The following LPA variants were observed in gnomAD, a reference collection of about 807,000 sequenced individuals.
LPA encodes the protein lipoprotein(a).
LPA carries 199 observed loss-of-function variants against 197.9 expected under a neutral mutation model. The ratio of observed to expected loss-of-function variants is 1.01; its 90% CI spans 0.90 to 1.13. LPA has a LOEUF of 1.13. Among genes scored for constraint, LPA ranks in the 50% most tolerant of loss-of-function variants. The pLI is 0.00. For synonymous variants in LPA, 715 were observed against 639.5 expected (o/e 1.12, Z -1.78); for missense variants, 1,853 against 1,785.8 (o/e 1.04, Z -0.68).
chr6:160,591,249 C>T, intron 22 of LPA, 148 bp from the exon 23 acceptor site: 1 of 1,028,200 alleles, frequency 9.7e-7, no homozygotes, highest in Non-Finnish European at 1.4e-6. Context: ...AAATCGTCCT[C>T]AACTTCTAAA....
intron 30 of LPA, among the ~76,000 whole-genome samples, chr6:160,551,770 G>A (rs1051169859): frequency 6.6e-6 from 1 of 152,152 alleles, no homozygotes; most frequent in Non-Finnish European, 1.5e-5. Context: ...AAATGGTTCA[G>A]AATGATTTTG....
At chr6:160,606,432 A>G (rs752563280) in intron 17 of LPA, 45 bp downstream of exon 17, 1 of 1,605,712 alleles carries the variant, frequency 6.2e-7, no homozygotes, top group South Asian at 1.1e-5. Context: ...ATGGCTTTTC[A>G]TCCCAGCATC....
intron 18 of LPA, among the ~76,000 whole-genome samples, 166 bp downstream of exon 18, chr6:160,604,880 G>C (rs1474981012): frequency 6.6e-6 from 1 of 152,100 alleles, no homozygotes; most frequent in East Asian, 1.9e-4. Flanking sequence ...ATTAACATTT[G>C]TCTTCTCTTA....
At chr6:160,532,466 G>A in intron 38 of LPA, 65 bp downstream of exon 38, 1 of 1,305,020 alleles carries the variant, frequency 7.7e-7, no homozygotes, top group African/African-American at 1.5e-5. Context: ...CTTTGGGACT[G>A]ACGTCTAAGG....
intron 22 of LPA, 145 bp downstream of exon 22, chr6:160,593,813 G>T: frequency 1.0e-6 from 1 of 988,216 alleles, no homozygotes; most frequent in South Asian, 1.4e-5. Context: ...CAGACACTGT[G>T]CCTGAAGAAA....
intron 28 of LPA, among the ~76,000 whole-genome samples, chr6:160,559,831 T>A (rs1778331925): frequency 6.6e-6 from 1 of 152,204 alleles, no homozygotes. Context: ...GAGATACATG[T>A]GTAGAATGTG....
intron 28 of LPA, among the ~76,000 whole-genome samples, chr6:160,574,686 G>A (rs1358637990): frequency 2.6e-5 from 4 of 152,172 alleles, no homozygotes; most frequent in African/African-American, 7.2e-5. Context: ...TTCTCCAGTT[G>A]TGGGGTGTGT....
chr6:160,587,966 C>G (rs1778946657), intron 24 of LPA, among the ~76,000 whole-genome samples: 1 of 152,050 alleles, frequency 6.6e-6, no homozygotes, highest in Non-Finnish European at 1.5e-5. Flanking sequence ...TCATTTGGCT[C>G]TCCGGTTCTT....
chr6:160,609,122 T>G (rs1779424397), intron 16 of LPA, among the ~76,000 whole-genome samples: 1 of 152,164 alleles, frequency 6.6e-6, no homozygotes, highest in Non-Finnish European at 1.5e-5. Context: ...CTTAGTCATA[T>G]GTCAAATTTT....
chr6:160,540,464 G>A (rs1405027351), intron 35 of LPA, among the ~76,000 whole-genome samples: 1 of 152,234 alleles, frequency 6.6e-6, no homozygotes, highest in Non-Finnish European at 1.5e-5. Flanking sequence ...TGTGAAAGGG[G>A]TTTGGATCAT....
intron 24 of LPA, among the ~76,000 whole-genome samples, chr6:160,589,159 C>A (rs1034426983): frequency 2.0e-5 from 3 of 152,158 alleles, no homozygotes; most frequent in African/African-American, 7.2e-5. Flanking sequence ...TCACTTGTTA[C>A]CCAAGACAAA....
intron 28 of LPA, among the ~76,000 whole-genome samples, chr6:160,571,631 C>A (rs562748965): frequency 2.6e-5 from 4 of 152,346 alleles, no homozygotes; most frequent in African/African-American, 9.6e-5. Context: ...AGCTGCAGTG[C>A]ACCCTGCCCA....
At chr6:160,652,539 T>C (rs1324323109) in intron 1 of LPA, among the ~76,000 whole-genome samples, 1 of 152,072 alleles carries the variant, frequency 6.6e-6, no homozygotes, top group East Asian at 1.9e-4. Context: ...CTATAAGAAA[T>C]GCTAAAGGTT....
At chr6:160,535,004 G>A (rs1777864250) in intron 37 of LPA, among the ~76,000 whole-genome samples, 1 of 144,316 alleles carries the variant, frequency 6.9e-6, no homozygotes, top group African/African-American at 2.6e-5. Flanking sequence ...GGTGATAATG[G>A]TGATGGTAAT....
intron 24 of LPA, 142 bp from the exon 25 acceptor site, chr6:160,586,772 G>T: frequency 1.8e-6 from 2 of 1,115,782 alleles, no homozygotes; most frequent in Non-Finnish European, 2.6e-6. Flanking sequence ...CTCACAAATG[G>T]TCCTCAACTT....
intron 1 of LPA, among the ~76,000 whole-genome samples, chr6:160,654,790 T>C (rs1466348764): frequency 6.6e-6 from 1 of 152,194 alleles, no homozygotes; most frequent in African/African-American, 2.4e-5. Context: ...AAAGATATTT[T>C]CTTAGCACAA....
rs1780073571 is a variant in LPA, at chr6:160,654,033, TATTATATATAATATATA to T, written c.50-3553_50-3537del. Among the ~76,000 whole-genome samples the T allele has an allele frequency of 5.4e-4, 9 of 16,714 alleles. 2 individuals carry two copies. The highest frequency in any genetic ancestry group is 7.1e-4 in the Non-Finnish European group (8 of 11,252). 11.0% of individuals were successfully genotyped at this position (16,714 alleles called of 152,430 possible). On this transcript the variant is annotated intron_variant, in intron 1 of 38. Transcript: ENST00000316300. The stretch of plus-strand genomic sequence containing the variant: ...TATATTATATATAATATATAATATA[TATTATATATAATATATA>T]ATATATTATATATATTATATATAAT...
chr6:160,604,635 C>G (rs1779308787), intron 18 of LPA, among the ~76,000 whole-genome samples: 1 of 152,112 alleles, frequency 6.6e-6, no homozygotes, highest in Non-Finnish European at 1.5e-5. Context: ...CATAGATATA[C>G]ATATATACTT....
At chr6:160,653,206 T>C (rs553614959) in intron 1 of LPA, among the ~76,000 whole-genome samples, 69 of 152,224 alleles carry the variant, frequency 4.5e-4, no homozygotes, top group African/African-American at 1.5e-3. Context: ...TACATAATGA[T>C]AAAGGTCATC....
Sources: allele counts gnomAD v4.1 joint callset (sites outside exome capture counted in the v4.1 genomes callset), GRCh38; gene constraint gnomAD v4.1.1; transcripts MANE v1.5; gene names NCBI Gene and HGNC (gene_info 2026-07-23, HGNC 2026-07-21).